MORN5: variants seen among roughly 807,000 people sequenced by gnomAD.
The protein encoded by MORN5 is MORN repeat-containing protein 5.
MORN5 carries 21 observed loss-of-function variants against 22.1 expected under a neutral mutation model. The ratio of observed to expected loss-of-function variants is 0.95; its 90% CI spans 0.67 to 1.37. MORN5 has a LOEUF of 1.37. Ranked by LOEUF, MORN5 falls within the 40% of genes most tolerant of loss-of-function variation. MORN5 has a pLI of 0.00. For synonymous variants in MORN5, 73 were observed against 74.0 expected (o/e 0.99, Z 0.07); for missense variants, 211 against 215.1 (o/e 0.98, Z 0.12).
intron 3 of MORN5, among the ~76,000 whole-genome samples, chr9:122,172,450 G>A (rs1319860567): frequency 6.6e-6 from 1 of 151,894 alleles, no homozygotes; most frequent in East Asian, 1.9e-4. Context: ...TGCGATACTT[G>A]CTTTCTTTCT....
chr9:122,198,858 G>C (rs1007792157), intron 4 of MORN5, among the ~76,000 whole-genome samples: 2 of 152,228 alleles, frequency 1.3e-5, no homozygotes, highest in Non-Finnish European at 2.9e-5. Context: ...TAGATCTTGA[G>C]TGAAAGCTGT....
intron 4 of MORN5, among the ~76,000 whole-genome samples, chr9:122,183,870 T>C (rs947268646): frequency 1.3e-5 from 2 of 152,244 alleles, no homozygotes; most frequent in Non-Finnish European, 2.9e-5. Context: ...CCAGTGATTA[T>C]TTGCAGAGAG....
chr9:122,170,441 C>T lies in MORN5; in HGVS notation c.307+685C>T, dbSNP rs113017360. On this transcript the variant is annotated intron_variant, in intron 3 of 4. Transcript: ENST00000373764. Reference sequence around the variant, plus strand: ...ACGGTACATGTCAGCTGTTCTTATTCGTGGTACCTACTATAACACTAAAAT... The same window carrying T: ...ACGGTACATGTCAGCTGTTCTTATTTGTGGTACCTACTATAACACTAAAAT... Among the ~76,000 whole-genome samples, 118 of 152,210 alleles carry T rather than the reference C, an allele frequency of 7.8e-4. 2 individuals carry two copies. Among genetic ancestry groups the T allele is most frequent in the African/African-American group, 2.7e-3 (111 of 41,504 alleles).
chr9:122,185,059 C>T (rs532182632), intron 4 of MORN5, among the ~76,000 whole-genome samples: 33 of 150,654 alleles, frequency 2.2e-4, no homozygotes, highest in Non-Finnish European at 3.9e-4. Flanking sequence ...ACAAGTCTTT[C>T]TTTTTTTTTT....
At chr9:122,171,373 A>G (rs986024843) in intron 3 of MORN5, among the ~76,000 whole-genome samples, 6 of 151,932 alleles carry the variant, frequency 3.9e-5, no homozygotes, top group African/African-American at 9.7e-5. Flanking sequence ...TTACTCTGCT[A>G]TTTTCCTCCT....
At chr9:122,164,502 C>T (rs1254793273) in intron 1 of MORN5, 22 of 927,122 alleles carry the variant, frequency 2.4e-5, no homozygotes, top group Non-Finnish European at 2.7e-5. Context: ...GGGCCCAGCT[C>T]CTGGCCTTGA....
At chr9:122,167,885 T>C (rs920261330) in intron 2 of MORN5, among the ~76,000 whole-genome samples, 6 of 152,198 alleles carry the variant, frequency 3.9e-5, no homozygotes, top group Non-Finnish European at 5.9e-5. Context: ...CTGCATTCCT[T>C]GGCTCATGGC....
intron 4 of MORN5, among the ~76,000 whole-genome samples, chr9:122,190,609 T>G (rs1415957468): frequency 6.6e-6 from 1 of 152,278 alleles, no homozygotes; most frequent in Admixed American, 6.5e-5. Flanking sequence ...TTGAGAAGCT[T>G]GTGGGTGCTT....
At chr9:122,196,148 G>C (rs534549539) in intron 4 of MORN5, among the ~76,000 whole-genome samples, 2 of 151,614 alleles carry the variant, frequency 1.3e-5, no homozygotes, top group Admixed American at 1.3e-4. Context: ...TTGCAGAGAG[G>C]AGGTTTTGCC....
At chr9:122,193,549 C>T (rs914986684) in intron 4 of MORN5, among the ~76,000 whole-genome samples, 2 of 152,224 alleles carry the variant, frequency 1.3e-5, no homozygotes, top group East Asian at 3.8e-4. Context: ...TGCGCCACTG[C>T]ACTCCAGCCT....
intron 2 of MORN5, among the ~76,000 whole-genome samples, chr9:122,167,987 C>T (rs1168297736): frequency 1.3e-5 from 2 of 152,212 alleles, no homozygotes; most frequent in Non-Finnish European, 2.9e-5. Flanking sequence ...CCTGACCTTA[C>T]TATTTCCCTC....
At chr9:122,191,591 G>A (rs1829768161) in intron 4 of MORN5, among the ~76,000 whole-genome samples, 2 of 152,164 alleles carry the variant, frequency 1.3e-5, no homozygotes, top group African/African-American at 2.4e-5. Flanking sequence ...TTTCATCTTG[G>A]TCTCTTCCCT....
intron 3 of MORN5, among the ~76,000 whole-genome samples, chr9:122,171,948 T>A: frequency 3.6e-5 from 1 of 28,030 alleles, no homozygotes; most frequent in Non-Finnish European, 1.2e-4. Context: ...ACTTCCATCT[T>A]TTTTTTTTTT....
At chr9:122,161,245 T>C (rs971383072) in intron 1 of MORN5, among the ~76,000 whole-genome samples, 16 of 152,174 alleles carry the variant, frequency 1.1e-4, no homozygotes, top group African/African-American at 2.9e-4. Context: ...TCTGAGTTAA[T>C]AGGAAAGAGG....
intron 4 of MORN5, among the ~76,000 whole-genome samples, chr9:122,187,826 G>A (rs1829669603): frequency 6.6e-6 from 1 of 152,220 alleles, no homozygotes. Context: ...TACATTCACA[G>A]TGTGCTACAC....
intron 4 of MORN5, among the ~76,000 whole-genome samples, chr9:122,192,003 G>T (rs1399132398): frequency 1.3e-4 from 20 of 152,180 alleles, no homozygotes; most frequent in Admixed American, 1.1e-3. Flanking sequence ...TCCATTCCTG[G>T]GTGCCCACCA....
In MORN5 at chr9:122,175,545, C is replaced by T. The variant is rs116138172; in HGVS notation, c.439+918C>T. ...CTCCCACTAGGAATATCAAAAGATA[C>T]GGACCCTCTTGCCAGAAAAATGTCC... On this transcript the variant is annotated intron_variant, in intron 4 of 4. Transcript: ENST00000373764. 489 of 985,396 alleles carry T rather than the reference C, an allele frequency of 5.0e-4. No individual in the cohort carries two copies. In the African/African-American group the frequency reaches 6.7e-3, roughly 14 times the overall value. 61.0% of individuals were successfully genotyped at this position (985,396 alleles called of 1,614,324 possible).
At chr9:122,173,518 CACTG>C (rs1019115376) in intron 3 of MORN5, among the ~76,000 whole-genome samples, 3 of 152,206 alleles carry the variant, frequency 2.0e-5, no homozygotes, top group Non-Finnish European at 4.4e-5. Flanking sequence ...GTGTGCAAGA[CACTG>C]AGTTGTGGGC....
intron 4 of MORN5, among the ~76,000 whole-genome samples, chr9:122,183,200 C>T (rs935653919): frequency 6.6e-6 from 1 of 152,218 alleles, no homozygotes; most frequent in African/African-American, 2.4e-5. Flanking sequence ...GCATTTGGAG[C>T]TATTTGGGCA....
Sources: allele counts gnomAD v4.1 joint callset (sites outside exome capture counted in the v4.1 genomes callset), GRCh38; gene constraint gnomAD v4.1.1; transcripts MANE v1.5; gene names NCBI Gene and HGNC (gene_info 2026-07-23, HGNC 2026-07-21).